The following CFAP96 variants were observed in gnomAD, a reference collection of about 807,000 sequenced individuals.
CFAP96 encodes cilia-and flagella-associated protein 96.
the CFAP96 span, chr4:185,440,617 C>T: frequency 2.2e-4 from 331 of 1,533,116 alleles, 3 homozygotes; most frequent in African/African-American, 3.6e-3. Context: ...ACTATTTTGA[C>T]GCTAATCCTT....
At chr4:185,425,799 C>A in the CFAP96 span, 1 of 1,574,022 alleles carries the variant, frequency 6.4e-7, no homozygotes, top group South Asian at 1.2e-5. Context: ...CGCTGTGAAG[C>A]CCGCTCGTGG....
At chr4:185,410,549 G>C in the CFAP96 span, among the ~76,000 whole-genome samples, 1 of 152,148 alleles carries the variant, frequency 6.6e-6, no homozygotes, top group Non-Finnish European at 1.5e-5. Flanking sequence ...TGGGGAGGCT[G>C]AGGCAGGAGA....
the CFAP96 span, among the ~76,000 whole-genome samples, chr4:185,433,989 C>G: frequency 6.6e-6 from 1 of 152,064 alleles, no homozygotes; most frequent in Non-Finnish European, 1.5e-5. Flanking sequence ...GAGGCTGAGG[C>G]GGATGTATTG....
chr4:185,425,892 G>A, the CFAP96 span: 1 of 1,596,280 alleles, frequency 6.3e-7, no homozygotes, highest in Non-Finnish European at 8.5e-7. Flanking sequence ...CGGTGACACG[G>A]GCGCTGACGC....
the CFAP96 span, among the ~76,000 whole-genome samples, chr4:185,411,643 A>C: frequency 1.3e-5 from 2 of 152,192 alleles, no homozygotes; most frequent in Non-Finnish European, 2.9e-5. Context: ...TATATCTATA[A>C]TTTTCCTTGA....
At chr4:185,408,442 A>G in the CFAP96 span, 5 of 1,611,866 alleles carry the variant, frequency 3.1e-6, no homozygotes, top group Non-Finnish European at 4.2e-6. Flanking sequence ...AAATCTATAT[A>G]CAGAGAAGAA....
the CFAP96 span, among the ~76,000 whole-genome samples, chr4:185,437,024 C>T: frequency 6.6e-6 from 1 of 152,080 alleles, no homozygotes. Flanking sequence ...TAGCCATATT[C>T]CCACCATACC....
At chr4:185,445,287 C>A in the CFAP96 span, 1 of 734,332 alleles carries the variant, frequency 1.4e-6, no homozygotes, top group Non-Finnish European at 2.2e-6. Context: ...AGGTACCTGC[C>A]CTCCCTTGTA....
chr4:185,447,427 A>G, the CFAP96 span, among the ~76,000 whole-genome samples: 58 of 152,072 alleles, frequency 3.8e-4, no homozygotes, highest in East Asian at 1.2e-3. Flanking sequence ...TGATCCACCC[A>G]CCTTGGCCTC....
chr4:185,425,937 G>C, the CFAP96 span: 3 of 1,555,662 alleles, frequency 1.9e-6, no homozygotes, highest in Non-Finnish European at 2.6e-6. Flanking sequence ...CCCTGAAGTG[G>C]TGTCACCGCA....
the CFAP96 span, among the ~76,000 whole-genome samples, chr4:185,425,246 C>T: frequency 6.6e-6 from 1 of 152,028 alleles, no homozygotes; most frequent in Non-Finnish European, 1.5e-5. Context: ...TTGGGGGTTC[C>T]TGGAGGAAGA....
the CFAP96 span, among the ~76,000 whole-genome samples, chr4:185,435,485 G>A: frequency 6.6e-6 from 1 of 152,190 alleles, no homozygotes; most frequent in East Asian, 1.9e-4. Flanking sequence ...TTGTTAAAGT[G>A]CTGGATAGTA....
the CFAP96 span, among the ~76,000 whole-genome samples, chr4:185,447,964 A>G: frequency 2.4e-3 from 371 of 152,266 alleles, 15 homozygotes; most frequent in East Asian, 0.061. Context: ...CAAGCCTACT[A>G]TGTCTTGCTG....
At chr4:185,432,940 G>C in the CFAP96 span, among the ~76,000 whole-genome samples, 3 of 151,990 alleles carry the variant, frequency 2.0e-5, no homozygotes, top group Admixed American at 6.6e-5. Flanking sequence ...GCTCAGGCTG[G>C]AGTGCAGTGG....
At chr4:185,444,265 A>G in the CFAP96 span, among the ~76,000 whole-genome samples, 1 of 151,318 alleles carries the variant, frequency 6.6e-6, no homozygotes, top group Non-Finnish European at 1.5e-5. Context: ...TATCTTTCAA[A>G]TGAATTAAAT....
the CFAP96 span, among the ~76,000 whole-genome samples, chr4:185,416,725 G>A: frequency 1.3e-5 from 2 of 152,196 alleles, no homozygotes; most frequent in Admixed American, 6.6e-5. Flanking sequence ...GGTAGGAAGT[G>A]CCCAAAATTA....
At chr4:185,410,596 T>G in the CFAP96 span, among the ~76,000 whole-genome samples, 1 of 151,566 alleles carries the variant, frequency 6.6e-6, no homozygotes, top group East Asian at 1.9e-4. Flanking sequence ...TGCAGTGAGC[T>G]GAGATCATGC....
the CFAP96 span, chr4:185,440,620 T>A: frequency 4.6e-5 from 70 of 1,533,894 alleles, no homozygotes; most frequent in Middle Eastern, 3.4e-4. Context: ...ATTTTGACGC[T>A]AATCCTTATT....
chr4:185,408,549 C>G, the CFAP96 span: 1 of 1,127,862 alleles, frequency 8.9e-7, no homozygotes, highest in Non-Finnish European at 1.2e-6. Context: ...ACTTTAGTTC[C>G]TTATAAAAAT....
Sources: gnomAD v4.1 joint callset for allele counts (sites outside exome capture counted in the v4.1 genomes callset) on GRCh38, gnomAD v4.1.1 for gene constraint, MANE v1.5 for transcripts, NCBI Gene and HGNC (gene_info 2026-07-23, HGNC 2026-07-21) for gene names.